FOXF2: variants seen among roughly 807,000 people sequenced by gnomAD.
The protein encoded by FOXF2 is forkhead box protein F2.
A neutral mutation model predicts 29.1 loss-of-function variants in FOXF2; 15 were observed. The ratio of observed to expected loss-of-function variants is 0.52; its 90% CI spans 0.35 to 0.79. The LOEUF (loss-of-function observed/expected upper bound fraction) is 0.79, where lower values mean the gene tolerates loss of function less well. Ranked by LOEUF, FOXF2 falls within the 30% of genes least tolerant of loss-of-function variation. The probability of loss-of-function intolerance (pLI) is 0.01; values close to 1 mark genes in which losing one functional copy is unlikely to be tolerated. For missense variants in FOXF2, 675 were observed against 667.1 expected (o/e 1.01, Z -0.13); for synonymous variants, 337 against 316.5 (o/e 1.06, Z -0.69).
At chr6:1,394,322 G>A (rs1483562467) in intron 1 of FOXF2, among the ~76,000 whole-genome samples, 1 of 152,180 alleles carries the variant, frequency 6.6e-6, no homozygotes, top group African/African-American at 2.4e-5. Context: ...CAGGCCAGGA[G>A]CTCTGCCGGG....
rs1758900600 is a variant in FOXF2, at chr6:1,395,281, CTCT to C, written c.*427_*429del. On this transcript the variant is annotated 3_prime_UTR_variant, in exon 2 of 2. Coordinates refer to ENST00000645481, the MANE Select transcript of FOXF2 (RefSeq NM_001452.2). Reference sequence around the variant, plus strand: ...GCTAAGCACAAGATTTCAAGAAAGCCTCTTCTTGTTGCCTAGCTGAGTGGGAGA... The same window carrying C: ...GCTAAGCACAAGATTTCAAGAAAGCCTCTTGTTGCCTAGCTGAGTGGGAGA... 1 of 194,294 alleles carries C rather than the reference CTCT, an allele frequency of 5.1e-6. No homozygotes were observed. Among genetic ancestry groups the C allele is most frequent in the Non-Finnish European group, 1.1e-5 (1 of 93,096 alleles). The allele number at this position is 194,294 out of a possible 1,614,324, so 12.0% of individuals were successfully genotyped here.
Position 1,390,406 on chromosome 6 carries a change from G to A in FOXF2, c.459G>A (p.Ser153=). 6.2e-7 allele frequency: 1 copy of A among 1,611,804 alleles called. No homozygotes were observed. Among genetic ancestry groups the A allele is most frequent in the Non-Finnish European group, 8.5e-7 (1 of 1,179,934 alleles). The stretch of plus-strand genomic sequence containing the variant: ...AGAACTCGGTGCGCCACAATCTCTC[G>A]CTCAACGAGTGCTTCATCAAGCTGC... ...GWKNSVRHNL[S]LNECFIKLPK... Residue 153 remains serine (S), a synonymous_variant, in exon 1 of 2, where the codon TCG becomes TCA. Coordinates refer to ENST00000645481, the MANE Select transcript of FOXF2 (RefSeq NM_001452.2). The surrounding 1 kb of genome is among the most constrained non-coding windows in gnomAD (Gnocchi z 8.5).
chr6:1,390,787 G>T lies in FOXF2; in HGVS notation c.840G>T (p.Pro280=), dbSNP rs1049089763. ...HHHVPHMSPN[P]GSTYMASCPV... ...ACGTCCCGCACATGTCGCCCAACCC[G>T]GGTTCCACCTACATGGCCAGCTGCC... The change falls in exon 1 of 2, where the codon CCG becomes CCT. Residue 280 remains proline (P), a synonymous_variant. Coordinates refer to ENST00000645481, the MANE Select transcript of FOXF2 (RefSeq NM_001452.2). The surrounding 1 kb of genome is among the most constrained non-coding windows in gnomAD (Gnocchi z 8.5). 2 of 1,387,732 alleles carry T rather than the reference G, an allele frequency of 1.4e-6. No homozygotes were observed. The highest frequency in any genetic ancestry group is 1.8e-6 in the Non-Finnish European group (2 of 1,082,140). The allele number at this position is 1,387,732 out of a possible 1,614,324, so 86.0% of individuals were successfully genotyped here. A position where few individuals can be genotyped will look rare whatever the true frequency, so the allele number is the denominator to read the frequency against.
chr6:1,394,377 G>T (rs1400018587), intron 1 of FOXF2, among the ~76,000 whole-genome samples: 1 of 152,174 alleles, frequency 6.6e-6, no homozygotes, highest in Non-Finnish European at 1.5e-5. Context: ...CGGTACCTGT[G>T]CTCATTCTGA....
At chr6:1,392,890 A>G (rs945362418) in intron 1 of FOXF2, among the ~76,000 whole-genome samples, 4 of 152,148 alleles carry the variant, frequency 2.6e-5, no homozygotes, top group Non-Finnish European at 2.9e-5. Flanking sequence ...GGGGGAGACA[A>G]TAGCTCGGGC....
rs895048785 is a variant in FOXF2, at chr6:1,389,669, G to T, written c.-279G>T. ...CGGGCGCAGTCGCCCGGCGCCGGCCGCTCGGCCCCGCGGCCTGGGAGGCCG... is the reference window on the plus strand; with the variant it reads ...CGGGCGCAGTCGCCCGGCGCCGGCCTCTCGGCCCCGCGGCCTGGGAGGCCG... On this transcript the variant is annotated 5_prime_UTR_variant, in exon 1 of 2. Coordinates refer to ENST00000645481, the MANE Select transcript of FOXF2 (RefSeq NM_001452.2). The T allele has an allele frequency of 4.0e-5, 6 of 150,212 alleles. No individual in the cohort carries two copies. Among genetic ancestry groups the T allele is most frequent in the Non-Finnish European group, 9.0e-5 (6 of 66,934 alleles). 9.3% of individuals were successfully genotyped at this position (150,212 alleles called of 1,614,324 possible).
intron 1 of FOXF2, among the ~76,000 whole-genome samples, chr6:1,391,830 T>C (rs1758793942): frequency 6.6e-6 from 1 of 151,890 alleles, no homozygotes; most frequent in East Asian, 1.9e-4. Context: ...GAAATGCGCC[T>C]GCCCTGTGGA....
In FOXF2 at chr6:1,395,244, C is replaced by T. The variant is rs1758900007; in HGVS notation, c.*385C>T. 4.1e-6 allele frequency: 1 copy of T among 243,174 alleles called. No individual in the cohort carries two copies. Among genetic ancestry groups the T allele is most frequent in the African/African-American group, 2.2e-5 (1 of 45,056 alleles). 15.1% of individuals were successfully genotyped at this position (243,174 alleles called of 1,614,324 possible). ...TGTCTAAGAAAACTTGTGTGCTTTT[C>T]AAAAAGGCAGTGCTAAGCACAAGAT... On this transcript the variant is annotated 3_prime_UTR_variant, in exon 2 of 2. Transcript: ENST00000645481.
intron 1 of FOXF2, among the ~76,000 whole-genome samples, chr6:1,392,477 C>CA (rs3063208): frequency 2.0e-5 from 3 of 149,482 alleles, no homozygotes; most frequent in Non-Finnish European, 4.5e-5. Flanking sequence ...CACACACACA[C>CA]CCCTCGGTGC....
rs1277883043 is a variant in FOXF2, at chr6:1,390,688, C to A, written c.741C>A (p.Asp247Glu). Reference sequence around the variant, plus strand: ...GCCAGGGCGGCTACGGCGGCCTCGACATGATGCCCGCGGGCTACGACGCCG... The same window carrying A: ...GCCAGGGCGGCTACGGCGGCCTCGAAATGATGCCCGCGGGCTACGACGCCG... ...CHSQGGYGGL[D>E]MMPAGYDAGA... The change falls in exon 1 of 2, where the codon GAC (aspartate) becomes GAA (glutamate). Residue 247 changes from aspartate (D) to glutamate (E), a missense_variant. Coordinates refer to ENST00000645481, the MANE Select transcript of FOXF2 (RefSeq NM_001452.2). The surrounding 1 kb of genome is among the most constrained non-coding windows in gnomAD (Gnocchi z 8.5). 4 of 1,515,454 alleles carry A rather than the reference C, an allele frequency of 2.6e-6. No individual in the cohort carries two copies. The African/African-American group carries it at 4.3e-5, about 16-fold the overall frequency. The allele number at this position is 1,515,454 out of a possible 1,614,324, so 93.9% of individuals were successfully genotyped here.
rs1758740372 is a variant in FOXF2 at position 1,389,998 on chromosome 6, C to G, written c.51C>G (p.Ser17Arg). ...PPPAPLRRACSPVPGALQAAL... is the reference protein window; with the variant it reads ...PPPAPLRRACRPVPGALQAAL... ...CGGCCCCGCTCCGCCGCGCGTGCAG[C>G]CCGGTCCCCGGCGCGCTCCAGGCCG... Residue 17 changes from serine to arginine, a missense_variant, in exon 1 of 2, where the codon AGC becomes AGG. This residue lies in a region of FOXF2 where 220 missense variants were observed against 205.5 expected (regional missense o/e 1.07). Coordinates refer to ENST00000645481, the MANE Select transcript of FOXF2 (RefSeq NM_001452.2). 9.3e-7 allele frequency: 1 copy of G among 1,077,680 alleles called. No individual in the cohort carries two copies. The highest frequency in any genetic ancestry group is 5.3e-5 in the Admixed American group (1 of 18,850). 66.8% of individuals were successfully genotyped at this position (1,077,680 alleles called of 1,614,324 possible). A position where few individuals can be genotyped will look rare whatever the true frequency, so the allele number is the denominator to read the frequency against.
rs1758878784 is a variant in FOXF2, at chr6:1,395,159, C to T, written c.*300C>T. The T allele has an allele frequency of 2.3e-6, 1 of 430,774 alleles. No individual in the cohort carries two copies. The highest frequency in any genetic ancestry group is 4.3e-6 in the Non-Finnish European group (1 of 233,588). The allele number at this position is 430,774 out of a possible 1,614,324, so 26.7% of individuals were successfully genotyped here. ...AGGCATCAACGTGTATCTGTGGGAT[C>T]TTCGTTGCCTTCAGTAATCAGGGTG... On this transcript the variant is annotated 3_prime_UTR_variant, in exon 2 of 2. Transcript: ENST00000645481.
Position 1,390,918 on chromosome 6 carries a change from C to T in FOXF2, c.971C>T (p.Ala324Val). 6.5e-7 allele frequency: 1 copy of T among 1,547,990 alleles called. No individual in the cohort carries two copies. Among genetic ancestry groups the T allele is most frequent in the Non-Finnish European group, 8.7e-7 (1 of 1,153,366 alleles). Residue 324 changes from alanine to valine, a missense_variant, in exon 1 of 2, where the codon GCG becomes GTG. Transcript: ENST00000645481. This position sits in a 1 kb window ranked among gnomAD's most constrained non-coding sequence, Gnocchi z 8.5. ...SSPVPSSPAMASAIECHSPYT... is the reference protein window; with the variant it reads ...SSPVPSSPAMVSAIECHSPYT... ...CCGGTACCCTCGTCCCCGGCCATGG[C>T]GAGCGCCATCGAATGCCACTCGCCC...
chr6:1,394,645 C>CCA lies in FOXF2; in HGVS notation c.1172-49_1172-48dup, dbSNP rs764006188. On this transcript the variant is annotated intron_variant, in intron 1 of 1. Transcript: ENST00000645481. ...GAGGCAAAATAAGACACCCTGCCAT[C>CCA]CACTGGATGACTTTGTTTCTGAAGA... is the stretch of plus-strand genomic sequence containing the variant. 4 of 1,584,894 alleles carry CCA rather than the reference C, an allele frequency of 2.5e-6. No homozygotes were observed. The African/African-American group carries it at 5.4e-5, about 21-fold the overall frequency.
chr6:1,393,099 C>T (rs937883167), intron 1 of FOXF2, among the ~76,000 whole-genome samples: 13 of 152,172 alleles, frequency 8.5e-5, no homozygotes, highest in African/African-American at 2.9e-4. Context: ...CCCGGCGAGG[C>T]GCGGGGGTGG....
intron 1 of FOXF2, among the ~76,000 whole-genome samples, chr6:1,392,477 C>CACACACACACACA (rs3063208): frequency 3.3e-5 from 5 of 149,476 alleles, no homozygotes; most frequent in African/African-American, 9.8e-5. Flanking sequence ...CACACACACA[C>CACACACACACACA]CCCTCGGTGC....
chr6:1,392,960 A>AGGATACCC (rs994223672), intron 1 of FOXF2, among the ~76,000 whole-genome samples: 3 of 152,060 alleles, frequency 2.0e-5, no homozygotes, highest in African/African-American at 7.2e-5. Flanking sequence ...CCGTCCCTAT[A>AGGATACCC]GGATACCCAC....
In FOXF2 at chr6:1,390,325, C is replaced by A. The variant is rs1246554467; in HGVS notation, c.378C>A (p.Ile126=). 5 of 1,613,428 alleles carry A rather than the reference C, an allele frequency of 3.1e-6. No individual in the cohort carries two copies. The East Asian group carries it at 1.1e-4, about 36-fold the overall frequency. Reference sequence around the variant, plus strand: ...GCAAGCGCCTGACGCTCAGCGAGATCTACCAGTTCCTGCAGGCGCGCTTCC... The same window carrying A: ...GCAAGCGCCTGACGCTCAGCGAGATATACCAGTTCCTGCAGGCGCGCTTCC... ...SPSKRLTLSE[I]YQFLQARFPF... Residue 126 remains isoleucine (I), a synonymous_variant, in exon 1 of 2, where the codon ATC becomes ATA. Transcript: ENST00000645481. This position sits in a 1 kb window ranked among gnomAD's most constrained non-coding sequence, Gnocchi z 8.5.
In FOXF2 at chr6:1,392,224, C is replaced by T. The variant is rs9405473; in HGVS notation, c.1171+1106C>T. 3.9e-3 allele frequency among the ~76,000 whole-genome samples: 592 copies of T among 152,208 alleles called. 5 individuals carry two copies. Among genetic ancestry groups the T allele is most frequent in the East Asian group, 0.017 (89 of 5,168 alleles). ...GGGCAAAAGATGTTGGTTCCCTGGA[C>T]GGTGAAATTTCCCAAATAGGCCTTT... On this transcript the variant is annotated intron_variant, in intron 1 of 1. Coordinates refer to ENST00000645481, the MANE Select transcript of FOXF2 (RefSeq NM_001452.2).
Sources: gnomAD v4.1 joint callset for allele counts (sites outside exome capture counted in the v4.1 genomes callset) on GRCh38, gnomAD v4.1.1 for gene constraint, gnomAD v4.1.1 regional missense constraint, Gnocchi (gnomAD v3.1) non-coding constraint, MANE v1.5 for transcripts, NCBI Gene and HGNC (gene_info 2026-07-23, HGNC 2026-07-21) for gene names.